Variants in ABHD12B observed in about 807,000 individuals in gnomAD.
ABHD12B encodes the protein abhydrolase domain containing 12B.
ABHD12B carries 42 observed loss-of-function variants against 50.4 expected under a neutral mutation model. The observed-to-expected ratio is 0.83, with a 90% CI of 0.65 to 1.08. ABHD12B has a LOEUF of 1.08. Ranked by LOEUF, ABHD12B falls within the 50% of genes least tolerant of loss-of-function variation. The pLI is 0.00. For synonymous variants in ABHD12B, 167 were observed against 160.3 expected, an observed-to-expected ratio of 1.04 and a Z score of -0.32; for missense variants, 479 against 447.7, an observed-to-expected ratio of 1.07 and a Z score of -0.63.
chr14:50,900,781 T>G (rs149971889), intron 9 of ABHD12B, among the ~76,000 whole-genome samples: 1 of 152,198 alleles, frequency 6.6e-6, no homozygotes, highest in Non-Finnish European at 1.5e-5. Flanking sequence ...GGAAGGTGCT[T>G]AGTGATAGGA....
intron 10 of ABHD12B, among the ~76,000 whole-genome samples, chr14:50,902,298 C>T (rs1266077198): frequency 2.0e-5 from 3 of 152,060 alleles, no homozygotes; most frequent in African/African-American, 7.3e-5. Context: ...GCCCGGGCAA[C>T]ACAGGGAGAC....
In ABHD12B at chr14:50,878,740, T is replaced by C; in HGVS notation, c.233-5T>C. The C allele has an allele frequency of 6.2e-7, 1 of 1,609,924 alleles. No homozygotes were observed. The highest frequency in any genetic ancestry group is 1.7e-5 in the Admixed American group (1 of 59,940). ...TTGAAGTTGATAATGATTTTTACTT[T>C]CCAGTCAAAGCCCCATTTCTTGTGG... On this transcript the variant is annotated splice_polypyrimidine_tract_variant and splice_region_variant and intron_variant, in intron 2 of 12. Transcript: ENST00000337334.
chr14:50,904,835 T>C lies in ABHD12B; in HGVS notation c.*469T>C. 4.4e-6 allele frequency: 1 copy of C among 229,128 alleles called. No individual in the cohort carries two copies. Among genetic ancestry groups the C allele is most frequent in the Non-Finnish European group, 8.6e-6 (1 of 115,650 alleles). 14.2% of individuals were successfully genotyped at this position (229,128 alleles called of 1,614,324 possible). Reference sequence around the variant, plus strand: ...AAGAGCTCTTCACTCCTCCTACCATTTGAGGATACAGTGAGAAGCCTTCAT... The same window carrying C: ...AAGAGCTCTTCACTCCTCCTACCATCTGAGGATACAGTGAGAAGCCTTCAT... On this transcript the variant is annotated 3_prime_UTR_variant, in exon 13 of 13. Coordinates refer to ENST00000337334, the MANE Select transcript of ABHD12B (RefSeq NM_001206673.2).
chr14:50,875,819 T>TCATACAC lies in ABHD12B; in HGVS notation c.105-2133_105-2132insCATACAC, dbSNP rs2049855758. The stretch of plus-strand genomic sequence containing the variant: ...CGAGCTATTTGAGAGAAGGACTGTG[T>TCATACAC]ATGAATTATTCCTTAAAAAACAGAC... On this transcript the variant is annotated intron_variant, in intron 1 of 12. Coordinates refer to ENST00000337334, the MANE Select transcript of ABHD12B (RefSeq NM_001206673.2). 2.6e-5 allele frequency among the ~76,000 whole-genome samples: 4 copies of TCATACAC among 152,368 alleles called. No homozygotes were observed. The South Asian group carries it at 6.2e-4, about 24-fold the overall frequency.
At chr14:50,895,826 C>G (rs972592444) in intron 9 of ABHD12B, 1 of 152,164 alleles carries the variant, frequency 6.6e-6, no homozygotes, top group Non-Finnish European at 1.5e-5. Flanking sequence ...TGGGTATTGA[C>G]GGTCAGGCTT....
At position 50,904,394 on chromosome 14, in the gene ABHD12B, A is replaced by T; in HGVS notation, c.*28A>T. 1.2e-6 allele frequency: 2 copies of T among 1,613,734 alleles called. No homozygotes were observed. Among genetic ancestry groups the T allele is most frequent in the South Asian group, 2.2e-5 (2 of 91,078 alleles). Reference sequence around the variant, plus strand: ...CTGGGAGGAGTGGAAATCTTCAATGAAGACTTGGCCCAAACACCACCTGTG... The same window carrying T: ...CTGGGAGGAGTGGAAATCTTCAATGTAGACTTGGCCCAAACACCACCTGTG... On this transcript the variant is annotated 3_prime_UTR_variant, in exon 13 of 13. Coordinates refer to ENST00000337334, the MANE Select transcript of ABHD12B (RefSeq NM_001206673.2).
At chr14:50,893,304 AG>A (rs1321020800) in intron 9 of ABHD12B, 2 of 156,142 alleles carry the variant, frequency 1.3e-5, no homozygotes, top group African/African-American at 4.8e-5. Flanking sequence ...CCACCACAAA[AG>A]AAGTATAAAT....
rs543938267 is a variant in ABHD12B at position 50,902,205 on chromosome 14, G to C, written c.863+294G>C. On this transcript the variant is annotated intron_variant, in intron 10 of 12. Coordinates refer to ENST00000337334, the MANE Select transcript of ABHD12B (RefSeq NM_001206673.2). ...CCTATCAAGACCTTTTAAAGGGCTT[G>C]GTAGTGTTAGCGTATGCCTATAATC... 2.2e-3 allele frequency among the ~76,000 whole-genome samples: 332 copies of C among 152,146 alleles called. 4 individuals carry two copies. The South Asian group carries it at 0.031, about 14-fold the overall frequency.
At chr14:50,893,001 T>C (rs2050139251) in intron 9 of ABHD12B, 1 of 152,246 alleles carries the variant, frequency 6.6e-6, no homozygotes, top group Admixed American at 6.5e-5. Context: ...ATACTGTGTA[T>C]GATTTTAGTC....
intron 8 of ABHD12B, among the ~76,000 whole-genome samples, chr14:50,888,573 A>G (rs2050073797): frequency 6.6e-6 from 1 of 152,134 alleles, no homozygotes; most frequent in Non-Finnish European, 1.5e-5. Flanking sequence ...TTCAGTTATC[A>G]TCATGTGCAC....
chr14:50,882,538 G>A (rs1173670095), intron 5 of ABHD12B, among the ~76,000 whole-genome samples: 5 of 151,676 alleles, frequency 3.3e-5, no homozygotes, highest in Admixed American at 6.6e-5. Context: ...CACCACGCCC[G>A]GCTAATTTTG....
rs1396661382 is a variant in ABHD12B at position 50,904,157 on chromosome 14, G to T, written c.1026G>T (p.Leu342=). The change falls in exon 12 of 13, where the codon CTG becomes CTT. Residue 342 remains leucine (L), a synonymous_variant. Coordinates refer to ENST00000337334, the MANE Select transcript of ABHD12B (RefSeq NM_001206673.2). ...VIFPPGFQHN[L]LCKSPTLLIT... ...TTCCTCCTGGCTTCCAACACAACCT[G>T]CTTTGTAAAAGCCCCACACTGTTAA... The T allele has an allele frequency of 1.2e-6, 2 of 1,614,150 alleles. No homozygotes were observed. The highest frequency in any genetic ancestry group is 1.7e-6 in the Non-Finnish European group (2 of 1,179,992).
At chr14:50,890,174 C>CT (rs1297918680) in intron 9 of ABHD12B, among the ~76,000 whole-genome samples, 2 of 152,122 alleles carry the variant, frequency 1.3e-5, no homozygotes, top group African/African-American at 4.8e-5. Context: ...TCATATTACT[C>CT]TAAGTCATTA....
At chr14:50,887,714 CTAAT>C (rs1360106416) in intron 8 of ABHD12B, among the ~76,000 whole-genome samples, 5 of 152,184 alleles carry the variant, frequency 3.3e-5, no homozygotes, top group African/African-American at 4.8e-5. Context: ...TCACCTTAAT[CTAAT>C]TAGAGATTGA....
chr14:50,880,349 A>C, intron 3 of ABHD12B, 103 bp from the exon 4 acceptor site: 1 of 1,218,508 alleles, frequency 8.2e-7, no homozygotes, highest in Non-Finnish European at 1.1e-6. Flanking sequence ...AGTCGGATAA[A>C]AAATTAAAAT....
chr14:50,887,124 G>A (rs942879898), intron 8 of ABHD12B, among the ~76,000 whole-genome samples: 3 of 144,044 alleles, frequency 2.1e-5, no homozygotes, highest in African/African-American at 7.7e-5. Flanking sequence ...TGAGGCAGGA[G>A]AATTGCTTGA....
chr14:50,888,680 C>G, intron 8 of ABHD12B, 144 bp from the exon 9 acceptor site: 1 of 663,284 alleles, frequency 1.5e-6, no homozygotes, highest in Non-Finnish European at 2.5e-6. Flanking sequence ...AGGTGGGGTC[C>G]AGGAATTTGC....
chr14:50,877,824 G>A, intron 1 of ABHD12B, 128 bp from the exon 2 acceptor site: 1 of 924,708 alleles, frequency 1.1e-6, no homozygotes, highest in South Asian at 2.2e-5. Flanking sequence ...CTGAGAACAT[G>A]CCATTGCACT....
rs759627437 is a variant in ABHD12B at position 50,904,077 on chromosome 14, T to C, written c.946T>C (p.Tyr316His). ...TVPLEYGKKL[Y>H]EIARNAYRNK... is the part of the protein sequence containing the mutation. ...AGTCTCTTTCTGTCGCTTGCAGCTC[T>C]ATGAAATTGCACGCAATGCATACAG... is the stretch of plus-strand genomic sequence containing the variant. The change falls in exon 12 of 13, where the codon TAT becomes CAT. Residue 316 changes from tyrosine (Y) to histidine (H), a missense_variant. Transcript: ENST00000337334. The C allele has an allele frequency of 2.1e-5, 34 of 1,612,078 alleles. No individual in the cohort carries two copies. The highest frequency in any genetic ancestry group is 4.0e-5 in the African/African-American group (3 of 74,804).
Sources: gnomAD v4.1 joint callset for allele counts (sites outside exome capture counted in the v4.1 genomes callset) on GRCh38, gnomAD v4.1.1 for gene constraint, MANE v1.5 for transcripts, NCBI Gene and HGNC (gene_info 2026-07-23, HGNC 2026-07-21) for gene names.